The following AP1AR variants were observed in gnomAD, a reference collection of about 807,000 sequenced individuals.
AP1AR encodes the protein AP-1 complex-associated regulatory protein.
In AP1AR, 29 loss-of-function variants were observed where a neutral mutation model predicts 46.3. The observed-to-expected ratio is 0.63, with a 90% CI of 0.47 to 0.85. The LOEUF is 0.85. Among genes scored for constraint, AP1AR ranks in the 40% least tolerant of loss-of-function variants. AP1AR has a pLI of 0.00. For synonymous variants in AP1AR, 122 were observed against 122.9 expected (o/e 0.99, Z 0.05); for missense variants, 357 against 356.3 (o/e 1.00, Z -0.02).
At chr4:112,237,774 C>CT (rs1560600976) in intron 1 of AP1AR, among the ~76,000 whole-genome samples, 3 of 152,102 alleles carry the variant, frequency 2.0e-5, no homozygotes. Context: ...GATATTCCTT[C>CT]TTTTTTTAGT....
chr4:112,257,855 C>CT, intron 4 of AP1AR, 58 bp downstream of exon 4: 1 of 1,412,538 alleles, frequency 7.1e-7, no homozygotes, highest in Non-Finnish European at 9.5e-7. Flanking sequence ...AGAAAACTCT[C>CT]TTAAGAAGTC....
chr4:112,262,028 G>C (rs1205286913), intron 5 of AP1AR, among the ~76,000 whole-genome samples: 1 of 151,884 alleles, frequency 6.6e-6, no homozygotes, highest in Non-Finnish European at 1.5e-5. Context: ...ATATTTGTCT[G>C]TTTAATGTGG....
At chr4:112,251,868 A>G (rs1302458361) in intron 1 of AP1AR, among the ~76,000 whole-genome samples, 3 of 152,244 alleles carry the variant, frequency 2.0e-5, no homozygotes, top group Non-Finnish European at 4.4e-5. Flanking sequence ...ATTTGCATCT[A>G]TCAGCAGATA....
chr4:112,246,969 A>G (rs1402293854), intron 1 of AP1AR, among the ~76,000 whole-genome samples: 2 of 152,182 alleles, frequency 1.3e-5, no homozygotes, highest in Non-Finnish European at 2.9e-5. Flanking sequence ...ATCTTACAGG[A>G]GCCCTTCTGT....
At chr4:112,253,075 C>CT (rs1318989480) in intron 1 of AP1AR, 133 bp from the exon 2 acceptor site, 1 of 600,850 alleles carries the variant, frequency 1.7e-6, no homozygotes, top group Admixed American at 3.8e-5. Flanking sequence ...TTTTGTTGTT[C>CT]TTTTTTTATA....
Position 112,266,620 on chromosome 4 carries a change from A to G in AP1AR, c.547A>G (p.Asn183Asp), listed in dbSNP as rs770315796. The G allele has an allele frequency of 3.1e-6, 5 of 1,611,018 alleles. No homozygotes were observed. In the Admixed American group the frequency reaches 8.4e-5, roughly 27 times the overall value. Residue 183 changes from asparagine (N) to aspartate (D), a missense_variant, in exon 9 of 10, where the codon AAT (asparagine) becomes GAT (aspartate). Asn to Asp is a conservative substitution (Grantham distance 23). This residue lies in a region of AP1AR where 269 missense variants were observed against 223.6 expected (regional missense o/e 1.20). Coordinates refer to ENST00000274000, the MANE Select transcript of AP1AR (RefSeq NM_018569.6). Reference protein sequence around the residue: ...LSSDATVLTPNTESSCDLMTK... With the variant: ...LSSDATVLTPDTESSCDLMTK... Reference sequence around the variant, plus strand: ...ATCAGATGCTACAGTTTTGACACCAAATACAGAAAGCAGTTGTGATTTAAT... The same window carrying G: ...ATCAGATGCTACAGTTTTGACACCAGATACAGAAAGCAGTTGTGATTTAAT...
At chr4:112,235,627 A>G (rs1468570503) in intron 1 of AP1AR, among the ~76,000 whole-genome samples, 1 of 152,158 alleles carries the variant, frequency 6.6e-6, no homozygotes, top group Non-Finnish European at 1.5e-5. Context: ...TATATTATAT[A>G]TATTATAGGT....
chr4:112,248,591 A>T (rs756858790), intron 1 of AP1AR, among the ~76,000 whole-genome samples: 5 of 152,186 alleles, frequency 3.3e-5, no homozygotes, highest in African/African-American at 9.6e-5. Context: ...TAATGGGTAC[A>T]GGGGGGCTTA....
chr4:112,264,227 T>C (rs1023697871), intron 6 of AP1AR, among the ~76,000 whole-genome samples: 2 of 152,190 alleles, frequency 1.3e-5, no homozygotes, highest in African/African-American at 4.8e-5. Context: ...CACTTTTTAC[T>C]GTAATAGATT....
At chr4:112,257,422 G>C (rs939052659) in intron 3 of AP1AR, among the ~76,000 whole-genome samples, 7 of 152,216 alleles carry the variant, frequency 4.6e-5, no homozygotes, top group African/African-American at 1.7e-4. Context: ...AGGATCAACT[G>C]TTAATATAAA....
At chr4:112,267,967 T>C (rs544407088) in intron 9 of AP1AR, among the ~76,000 whole-genome samples, 177 bp from the exon 10 acceptor site, 2 of 152,114 alleles carry the variant, frequency 1.3e-5, no homozygotes, top group South Asian at 2.1e-4. Flanking sequence ...TGAGGCATAC[T>C]TCAGGGTTAG....
intron 4 of AP1AR, among the ~76,000 whole-genome samples, chr4:112,259,432 T>C (rs975621267): frequency 7.2e-5 from 11 of 152,240 alleles, no homozygotes; most frequent in African/African-American, 7.2e-5. Flanking sequence ...GTATAATCCT[T>C]ATATCTACCT....
chr4:112,248,421 TA>T (rs36002293), intron 1 of AP1AR, among the ~76,000 whole-genome samples: 19 of 151,968 alleles, frequency 1.3e-4, no homozygotes, highest in African/African-American at 3.6e-4. Context: ...GTTAGCTTTT[TA>T]AAAAAAACAG....
chr4:112,256,042 G>T (rs1257802175), intron 3 of AP1AR, among the ~76,000 whole-genome samples: 2 of 147,940 alleles, frequency 1.4e-5, no homozygotes, highest in African/African-American at 4.9e-5. Flanking sequence ...CTTTAAAAAT[G>T]TATTCTTTAG....
rs775292805 is a variant in AP1AR, at chr4:112,262,982, G to A, written c.283-6G>A. ...TGTTAATCCTTATCGTTTTGTTCAT[G>A]TACAGTTAGCCTTACAAGAAGAGAA... On this transcript the variant is annotated splice_polypyrimidine_tract_variant and splice_region_variant and intron_variant, in intron 5 of 9. Transcript: ENST00000274000. 10 of 1,608,336 alleles carry A rather than the reference G, an allele frequency of 6.2e-6. No homozygotes were observed. Among genetic ancestry groups the A allele is most frequent in the South Asian group, 5.5e-5 (5 of 90,896 alleles).
In AP1AR at chr4:112,271,377, G is replaced by A. The variant is rs1215079582; in HGVS notation, c.*2968G>A. The stretch of plus-strand genomic sequence containing the variant: ...CAGATACCGACTATAAAAATGTTTA[G>A]CTATAGTTTAGAGTTGGCTCCTCAA... On this transcript the variant is annotated 3_prime_UTR_variant, in exon 10 of 10. Coordinates refer to ENST00000274000, the MANE Select transcript of AP1AR (RefSeq NM_018569.6). Among the ~76,000 whole-genome samples the A allele has an allele frequency of 2.0e-5, 3 of 152,186 alleles. No individual in the cohort carries two copies. Among genetic ancestry groups the A allele is most frequent in the African/African-American group, 7.2e-5 (3 of 41,420 alleles).
At chr4:112,235,189 AC>A (rs1725187107) in intron 1 of AP1AR, among the ~76,000 whole-genome samples, 1 of 152,156 alleles carries the variant, frequency 6.6e-6, no homozygotes, top group African/African-American at 2.4e-5. Context: ...GCCTGCCAAC[AC>A]TTTCTACAGG....
chr4:112,247,358 A>G (rs1243923137), intron 1 of AP1AR, among the ~76,000 whole-genome samples: 2 of 152,250 alleles, frequency 1.3e-5, no homozygotes, highest in African/African-American at 4.8e-5. Context: ...GGTTAAATAT[A>G]GGAATACTTT....
intron 1 of AP1AR, among the ~76,000 whole-genome samples, chr4:112,237,407 A>G (rs768697044): frequency 1.3e-5 from 2 of 148,224 alleles, no homozygotes; most frequent in African/African-American, 2.5e-5. Context: ...CGCCTGGCCA[A>G]ATACAGTGTT....
Sources: gnomAD v4.1 joint callset for allele counts (sites outside exome capture counted in the v4.1 genomes callset) on GRCh38, gnomAD v4.1.1 for gene constraint, gnomAD v4.1.1 regional missense constraint, MANE v1.5 for transcripts, NCBI Gene and HGNC (gene_info 2026-07-23, HGNC 2026-07-21) for gene names.